The following CAMK1D variants were observed in gnomAD, a reference collection of about 807,000 sequenced individuals.
CAMK1D encodes calcium/calmodulin-dependent protein kinase type 1D.
In CAMK1D, 9 loss-of-function variants were observed where a neutral mutation model predicts 47.7. The observed-to-expected ratio is 0.19, with a 90% CI of 0.11 to 0.33. The LOEUF (loss-of-function observed/expected upper bound fraction) is 0.33. Among genes scored for constraint, CAMK1D ranks in the 10% least tolerant of loss-of-function variants. The probability of loss-of-function intolerance (pLI) is 1.00; values close to 1 mark genes in which losing one functional copy is unlikely to be tolerated. For synonymous variants in CAMK1D, 184 were observed against 184.9 expected (o/e 0.99, Z 0.04); for missense variants, 291 against 488.7 (o/e 0.60, Z 3.81).
At chr10:12,749,973 G>A (rs939140395) in intron 3 of CAMK1D, among the ~76,000 whole-genome samples, 1 of 152,130 alleles carries the variant, frequency 6.6e-6, no homozygotes, top group African/African-American at 2.4e-5. Context: ...AGCCATTTGC[G>A]CTGAGTGAGA....
At chr10:12,826,005 C>T (rs1471981490) in intron 10 of CAMK1D, 12 of 313,764 alleles carry the variant, frequency 3.8e-5, no homozygotes, top group Admixed American at 2.8e-4. Flanking sequence ...GGTGTGGTGG[C>T]GAGCACCTGT....
intron 1 of CAMK1D, among the ~76,000 whole-genome samples, chr10:12,390,669 G>C (rs1838690364): frequency 6.6e-6 from 1 of 152,184 alleles, no homozygotes; most frequent in South Asian, 2.1e-4. Context: ...CCTGTTTCCA[G>C]TCTGTGTGTT....
chr10:12,419,959 T>C (rs1342690710), intron 1 of CAMK1D, among the ~76,000 whole-genome samples: 6 of 136,968 alleles, frequency 4.4e-5, no homozygotes, highest in Admixed American at 1.5e-4. Context: ...TCTATGTAAC[T>C]TTTTTTTTTT....
At chr10:12,536,293 T>G (rs1042321305) in intron 1 of CAMK1D, among the ~76,000 whole-genome samples, 9 of 152,174 alleles carry the variant, frequency 5.9e-5, no homozygotes, top group Non-Finnish European at 1.2e-4. Flanking sequence ...TTTATTTTAT[T>G]TTTGAGACGG....
chr10:12,531,232 G>A (rs904318569), intron 1 of CAMK1D, among the ~76,000 whole-genome samples: 2 of 152,092 alleles, frequency 1.3e-5, no homozygotes, highest in African/African-American at 2.4e-5. Flanking sequence ...AGAGACCATC[G>A]CAGTTTGATG....
At chr10:12,782,794 T>C (rs374556453) in intron 5 of CAMK1D, among the ~76,000 whole-genome samples, 16 of 152,142 alleles carry the variant, frequency 1.1e-4, no homozygotes, top group African/African-American at 3.9e-4. Flanking sequence ...CTCCAGTTCT[T>C]TTCCTTGCAG....
In CAMK1D at chr10:12,743,018, G is replaced by A. The variant is rs376349623; in HGVS notation, c.300-17930G>A. Among the ~76,000 whole-genome samples, 7 of 152,276 alleles carry A rather than the reference G, an allele frequency of 4.6e-5. 1 individual carries two copies. The East Asian group carries it at 1.4e-3, about 29-fold the overall frequency. ...CATCTTGGTATGTCACCAGAAAAGA[G>A]GAAGAGTAAAGACAAAGAAGATTGA... is the stretch of plus-strand genomic sequence containing the variant. On this transcript the variant is annotated intron_variant, in intron 3 of 10. Transcript: ENST00000619168.
chr10:12,473,251 C>T (rs1049541908), intron 1 of CAMK1D, among the ~76,000 whole-genome samples: 10 of 152,052 alleles, frequency 6.6e-5, no homozygotes, highest in African/African-American at 1.9e-4. Flanking sequence ...GTGGCCACAT[C>T]GTGAAGACCT....
chr10:12,696,385 C>A, intron 3 of CAMK1D, among the ~76,000 whole-genome samples: 1 of 151,986 alleles, frequency 6.6e-6, no homozygotes, highest in Non-Finnish European at 1.5e-5. Context: ...AAAAACACAA[C>A]AATTATCCGG....
At chr10:12,779,105 G>C (rs1837384977) in intron 5 of CAMK1D, among the ~76,000 whole-genome samples, 1 of 152,156 alleles carries the variant, frequency 6.6e-6, no homozygotes, top group Non-Finnish European at 1.5e-5. Context: ...ATTGTACTTG[G>C]TGATCATTTA....
At chr10:12,542,753 T>G (rs575350456) in intron 1 of CAMK1D, among the ~76,000 whole-genome samples, 1 of 152,356 alleles carries the variant, frequency 6.6e-6, no homozygotes, top group South Asian at 2.1e-4. Flanking sequence ...ATTTATTTAT[T>G]TATTTTTGAG....
chr10:12,828,606 A>C (rs1239546075), intron 10 of CAMK1D, among the ~76,000 whole-genome samples, 163 bp from the exon 11 acceptor site: 2 of 150,840 alleles, frequency 1.3e-5, no homozygotes, highest in East Asian at 3.9e-4. Context: ...GTGCCACTGC[A>C]CTCCAGCCTG....
chr10:12,711,342 G>A (rs1833929192), intron 3 of CAMK1D, among the ~76,000 whole-genome samples: 1 of 152,164 alleles, frequency 6.6e-6, no homozygotes, highest in Admixed American at 6.5e-5. Context: ...TTAGGGGACA[G>A]GCATTTAAAG....
chr10:12,647,252 G>C (rs988278827), intron 2 of CAMK1D, among the ~76,000 whole-genome samples: 2 of 147,502 alleles, frequency 1.4e-5, no homozygotes, highest in African/African-American at 5.0e-5. Flanking sequence ...CAGTTGAAGC[G>C]ATCCTCCTGA....
intron 2 of CAMK1D, among the ~76,000 whole-genome samples, chr10:12,652,843 C>T (rs182409345): frequency 2.0e-5 from 3 of 152,270 alleles, no homozygotes; most frequent in Middle Eastern, 3.4e-3. Context: ...ACACACCCCT[C>T]GTTTAAAAAA....
intron 1 of CAMK1D, among the ~76,000 whole-genome samples, chr10:12,528,672 T>A (rs1353427859): frequency 1.3e-5 from 2 of 152,016 alleles, no homozygotes; most frequent in South Asian, 2.1e-4. Flanking sequence ...TAAAATGATT[T>A]GTGAGTGTCA....
At chr10:12,415,453 T>G (rs1399659569) in intron 1 of CAMK1D, among the ~76,000 whole-genome samples, 1 of 105,688 alleles carries the variant, frequency 9.5e-6, no homozygotes, top group African/African-American at 3.0e-5. Context: ...CACGCCTGGC[T>G]AATTTTTTTT....
intron 1 of CAMK1D, among the ~76,000 whole-genome samples, chr10:12,446,538 C>A (rs2132023494): frequency 6.6e-6 from 1 of 152,282 alleles, no homozygotes; most frequent in South Asian, 2.1e-4. Context: ...CTGTCTCATC[C>A]TGTGACTTAG....
intron 2 of CAMK1D, among the ~76,000 whole-genome samples, chr10:12,628,456 G>A (rs578238290): frequency 1.3e-5 from 2 of 152,120 alleles, no homozygotes; most frequent in East Asian, 3.9e-4. Context: ...AGCAGTTTTC[G>A]GTTTTGAGAA....
Sources: gnomAD v4.1 joint callset for allele counts (sites outside exome capture counted in the v4.1 genomes callset) on GRCh38, gnomAD v4.1.1 for gene constraint, MANE v1.5 for transcripts, NCBI Gene and HGNC (gene_info 2026-07-23, HGNC 2026-07-21) for gene names.